Variants in ANK3 observed in about 807,000 individuals in gnomAD.
The protein encoded by ANK3 is ankyrin-3.
ANK3 carries 57 observed loss-of-function variants against 370.9 expected under a neutral mutation model. The observed-to-expected ratio is 0.15, with a 90% confidence interval of 0.12 to 0.19. The LOEUF is 0.19. Among genes scored for constraint, ANK3 ranks in the 10% least tolerant of loss-of-function variants. The pLI is 1.00. For missense variants in ANK3, 4,439 were observed against 5,302.1 expected, an observed-to-expected ratio of 0.84 and a Z score of 5.06; for synonymous variants, 1,929 against 1,946.3, an observed-to-expected ratio of 0.99 and a Z score of 0.23.
At chr10:60,564,432 A>C (rs778274245) in intron 2 of ANK3, among the ~76,000 whole-genome samples, 4 of 152,204 alleles carry the variant, frequency 2.6e-5, no homozygotes, top group Non-Finnish European at 5.9e-5. Flanking sequence ...AATCAAATTA[A>C]GCAATGTCCA....
At chr10:60,490,755 T>A (rs1026289685) in intron 2 of ANK3, among the ~76,000 whole-genome samples, 1 of 152,232 alleles carries the variant, frequency 6.6e-6, no homozygotes, top group African/African-American at 2.4e-5. Flanking sequence ...CCCACTTCCC[T>A]TGCTATTGCC....
At chr10:60,410,869 C>A (rs7100330) in intron 2 of ANK3, among the ~76,000 whole-genome samples, 18,187 of 151,878 alleles carry the variant, frequency 0.12, 1,159 homozygotes, top group South Asian at 0.15. Context: ...ACAAGGTCTC[C>A]CTATGTGTTG....
chr10:60,081,849 T>G, intron 35 of ANK3: 1 of 251,096 alleles, frequency 4.0e-6, no homozygotes, highest in South Asian at 7.4e-5. Context: ...ACTTGACTTG[T>G]CTAAAAAAAT....
intron 2 of ANK3, among the ~76,000 whole-genome samples, chr10:60,514,497 C>A (rs1163125111): frequency 6.6e-6 from 1 of 152,096 alleles, no homozygotes; most frequent in Non-Finnish European, 1.5e-5. Context: ...CTATTATCAG[C>A]TTTCTGTTCT....
chr10:60,147,021 G>A (rs2094860655), intron 23 of ANK3, among the ~76,000 whole-genome samples: 1 of 152,200 alleles, frequency 6.6e-6, no homozygotes, highest in Non-Finnish European at 1.5e-5. Context: ...TTAGTTAGAT[G>A]CCAGATCTGC....
chr10:60,549,814 A>T (rs1161282584), intron 2 of ANK3, among the ~76,000 whole-genome samples: 5 of 152,160 alleles, frequency 3.3e-5, no homozygotes, highest in South Asian at 2.1e-4. Flanking sequence ...GGCATTTTGA[A>T]AAAAGACCTG....
chr10:60,029,119 GTT>G lies in ANK3; in HGVS notation c.*725_*726del, dbSNP rs1010632525. The G allele has an allele frequency of 6.6e-6, 1 of 151,362 alleles. No individual in the cohort carries two copies. The highest frequency in any genetic ancestry group is 1.5e-5 in the Non-Finnish European group (1 of 67,696). 9.4% of individuals were successfully genotyped at this position (151,362 alleles called of 1,614,324 possible). ...AATTTGCAGCAGATTTTAAAGATTT[GTT>G]TTTTTTTAAAATCAAGCTAGCAGTT... On this transcript the variant is annotated 3_prime_UTR_variant, in exon 44 of 44. Transcript: ENST00000280772.
intron 1 of ANK3, among the ~76,000 whole-genome samples, chr10:60,623,350 C>T (rs542772944): frequency 6.6e-6 from 1 of 152,164 alleles, no homozygotes; most frequent in African/African-American, 2.4e-5. Context: ...CTATTTTAAG[C>T]AATTAAGCTT....
intron 1 of ANK3, among the ~76,000 whole-genome samples, chr10:60,682,799 A>C (rs1260168227): frequency 6.6e-6 from 1 of 152,184 alleles, no homozygotes; most frequent in Non-Finnish European, 1.5e-5. Context: ...GGCCCTATGC[A>C]TGTTTCCATC....
chr10:60,433,420 T>C (rs959038721), intron 2 of ANK3, among the ~76,000 whole-genome samples: 9 of 152,034 alleles, frequency 5.9e-5, no homozygotes, highest in Admixed American at 3.9e-4. Flanking sequence ...TGAAACCCCG[T>C]CTCTACTAAA....
At chr10:60,412,506 T>C (rs1594976932) in intron 2 of ANK3, among the ~76,000 whole-genome samples, 1 of 152,318 alleles carries the variant, frequency 6.6e-6, no homozygotes, top group South Asian at 2.1e-4. Flanking sequence ...CAGATGAAGA[T>C]TGCAGGACTT....
intron 12 of ANK3, 92 bp downstream of exon 12, chr10:60,202,910 A>G: frequency 1.2e-6 from 1 of 856,524 alleles, no homozygotes; most frequent in Non-Finnish European, 1.8e-6. Flanking sequence ...CCAACTCTTA[A>G]AAAAATAAAA....
chr10:60,202,354 C>T (rs981999827), intron 12 of ANK3, among the ~76,000 whole-genome samples: 6 of 151,920 alleles, frequency 3.9e-5, no homozygotes, highest in African/African-American at 1.5e-4. Flanking sequence ...AACTCCCAAC[C>T]TCATGTGACC....
At chr10:60,693,419 G>C (rs1477900106) in intron 1 of ANK3, among the ~76,000 whole-genome samples, 1 of 152,254 alleles carries the variant, frequency 6.6e-6, no homozygotes, top group Non-Finnish European at 1.5e-5. Context: ...AGGCCTGCCT[G>C]CCTCTGTAGG....
At chr10:60,687,968 A>T (rs1310879690) in intron 1 of ANK3, among the ~76,000 whole-genome samples, 1 of 152,248 alleles carries the variant, frequency 6.6e-6, no homozygotes, top group Non-Finnish European at 1.5e-5. Context: ...ACAGAGACAC[A>T]AACATTTCAT....
Position 60,073,509 on chromosome 10 carries a change from C to T in ANK3, c.7372G>A (p.Gly2458Arg). The stretch of plus-strand genomic sequence containing the variant: ...TTCTCAGCAAACCTGTAAGACTCCC[C>T]TCTTAGTTCTGACAACTCATCGTCA... ...YHDDELSELR[G>R]ESYRFAEKML... Residue 2458 changes from glycine (G) to arginine (R), a missense_variant, in exon 37 of 44, where the codon GGG (glycine) becomes AGG (arginine). Physicochemically the swap from Gly to Arg is moderately radical, Grantham distance 125 (BLOSUM62 -2). Transcript: ENST00000280772. The T allele has an allele frequency of 6.2e-7, 1 of 1,614,054 alleles. No individual in the cohort carries two copies. Among genetic ancestry groups the T allele is most frequent in the Non-Finnish European group, 8.5e-7 (1 of 1,179,990 alleles).
intron 1 of ANK3, among the ~76,000 whole-genome samples, chr10:60,308,620 G>A (rs796304140): frequency 4.6e-5 from 7 of 152,190 alleles, no homozygotes; most frequent in African/African-American, 1.7e-4. Context: ...TGAGGTCAAG[G>A]ACTCAACAGG....
chr10:60,465,693 T>C (rs1336484739), intron 2 of ANK3, among the ~76,000 whole-genome samples: 3 of 152,140 alleles, frequency 2.0e-5, no homozygotes, highest in African/African-American at 2.4e-5. Context: ...TCTCAAATGA[T>C]TTCCGAAATA....
chr10:60,360,617 G>A (rs1344647995), intron 1 of ANK3, among the ~76,000 whole-genome samples: 1 of 152,106 alleles, frequency 6.6e-6, no homozygotes. Flanking sequence ...GCTGAGATGG[G>A]AGGATTGCTT....
Sources: allele counts gnomAD v4.1 joint callset (sites outside exome capture counted in the v4.1 genomes callset), GRCh38; gene constraint gnomAD v4.1.1; transcripts MANE v1.5; gene names NCBI Gene and HGNC (gene_info 2026-07-23, HGNC 2026-07-21).